Variants in CDC45 observed in about 807,000 individuals in gnomAD.
CDC45 encodes the protein cell division cycle 45.
In CDC45, 54 loss-of-function variants were observed where a neutral mutation model predicts 77.8. That is an observed-to-expected ratio of 0.69 (90% CI 0.56 to 0.87). The LOEUF (loss-of-function observed/expected upper bound fraction) is 0.87. CDC45 is among the 40% of genes least tolerant of loss of function. The pLI is 0.00. For missense variants in CDC45, 649 were observed against 721.6 expected (o/e 0.90, Z 1.15); for synonymous variants, 260 against 272.1 (o/e 0.96, Z 0.44).
At chr22:19,498,730 G>C (rs913389918) in intron 8 of CDC45, among the ~76,000 whole-genome samples, 1 of 152,208 alleles carries the variant, frequency 6.6e-6, no homozygotes, top group Admixed American at 6.5e-5. Flanking sequence ...CCTCTGCCAT[G>C]ATACTGTATC....
At chr22:19,495,460 A>G (rs962355307) in intron 6 of CDC45, among the ~76,000 whole-genome samples, 1 of 152,230 alleles carries the variant, frequency 6.6e-6, no homozygotes, top group Non-Finnish European at 1.5e-5. Context: ...ACCACTTTAC[A>G]TCATACATTG....
At chr22:19,506,692 T>A (rs1933199771) in intron 10 of CDC45, among the ~76,000 whole-genome samples, 5 of 152,074 alleles carry the variant, frequency 3.3e-5, no homozygotes, top group Admixed American at 3.3e-4. Flanking sequence ...CCCAGCACTC[T>A]GGGAGGCCAA....
At position 19,515,002 on chromosome 22, in the gene CDC45, C is replaced by T; in HGVS notation, c.1394C>T (p.Ser465Phe). The T allele has an allele frequency of 1.2e-6, 2 of 1,613,928 alleles. No homozygotes were observed. The highest frequency in any genetic ancestry group is 1.3e-5 in the African/African-American group (1 of 75,052). The change falls in exon 15 of 19, where the codon TCC (serine) becomes TTC (phenylalanine). Residue 465 changes from serine (S) to phenylalanine (F), a missense_variant. Coordinates refer to ENST00000263201, the MANE Select transcript of CDC45 (RefSeq NM_003504.5). ...GTCATGCTGTTCTCTAGGCCGGCAT[C>T]CCTAAGCCTGCTCAGCAAACACCTG... ...PDVMLFSRPA[S>F]LSLLSKHLLK...
intron 5 of CDC45, among the ~76,000 whole-genome samples, chr22:19,488,515 C>T (rs779745585): frequency 6.6e-6 from 1 of 152,164 alleles, no homozygotes; most frequent in Non-Finnish European, 1.5e-5. Flanking sequence ...TCCAGTCACC[C>T]GGGCAGCCAC....
chr22:19,486,324 A>G (rs2090066106), intron 5 of CDC45, among the ~76,000 whole-genome samples: 1 of 152,258 alleles, frequency 6.6e-6, no homozygotes, highest in South Asian at 2.1e-4. Flanking sequence ...GCCCATATTC[A>G]GGTCTCTTTA....
intron 8 of CDC45, among the ~76,000 whole-genome samples, chr22:19,498,214 A>G (rs1053171342): frequency 6.6e-6 from 1 of 152,174 alleles, no homozygotes. Flanking sequence ...CTGTAGTCCA[A>G]GCTACTCAGG....
At chr22:19,518,753 AGT>A in intron 17 of CDC45, 89 bp from the exon 18 acceptor site, 1 of 979,982 alleles carries the variant, frequency 1.0e-6, no homozygotes, top group South Asian at 1.3e-5. Context: ...TTTGGAATGC[AGT>A]GGAGGGCAGG....
At chr22:19,484,790 A>T (rs998422604) in intron 5 of CDC45, among the ~76,000 whole-genome samples, 1 of 152,152 alleles carries the variant, frequency 6.6e-6, no homozygotes, top group Non-Finnish European at 1.5e-5. Flanking sequence ...CTTCAAACTG[A>T]GGCATGCTTC....
At chr22:19,518,731 G>A in intron 17 of CDC45, 113 bp from the exon 18 acceptor site, 1 of 809,520 alleles carries the variant, frequency 1.2e-6, no homozygotes, top group Middle Eastern at 2.9e-4. Flanking sequence ...CAGGCCGGGA[G>A]GAGCCGCGCA....
chr22:19,505,339 G>C (rs772714214), intron 9 of CDC45, 23 bp from the exon 10 acceptor site: 2 of 1,614,074 alleles, frequency 1.2e-6, no homozygotes, highest in Non-Finnish European at 1.7e-6. Context: ...ACCAGCCGAG[G>C]CTTGTGCTAC....
chr22:19,508,808 C>T (rs1012241926), intron 13 of CDC45, 117 bp downstream of exon 13: 3 of 890,140 alleles, frequency 3.4e-6, no homozygotes, highest in Non-Finnish European at 5.2e-6. Context: ...GCAGAAACTG[C>T]TTGGGTGAAC....
chr22:19,499,251 G>T, intron 9 of CDC45, 100 bp downstream of exon 9: 1 of 1,229,992 alleles, frequency 8.1e-7, no homozygotes, highest in South Asian at 1.2e-5. Flanking sequence ...TCCCTGTAGG[G>T]TCCTATTGAG....
upstream of CDC45, chr22:19,479,769 GTT>G: frequency 1.5e-6 from 1 of 657,104 alleles, no homozygotes; most frequent in Non-Finnish European, 2.7e-6. Flanking sequence ...GCGGGCTGGA[GTT>G]TTCTGGCCGT....
rs371856374 is a variant in CDC45, at chr22:19,514,734, T to C, written c.1218-15T>C. The stretch of plus-strand genomic sequence containing the variant: ...TGACAAGCACCACCAAAGCCATGTG[T>C]CTGCCCTGTTACAGGAGTAACCTGG... On this transcript the variant is annotated splice_polypyrimidine_tract_variant and intron_variant, in intron 13 of 18. Transcript: ENST00000263201. The C allele has an allele frequency of 6.3e-7, 1 of 1,591,248 alleles. No homozygotes were observed.
At chr22:19,484,178 A>G (rs2090029487) in intron 5 of CDC45, among the ~76,000 whole-genome samples, 173 bp downstream of exon 5, 1 of 152,240 alleles carries the variant, frequency 6.6e-6, no homozygotes, top group South Asian at 2.1e-4. Flanking sequence ...GGCCTCAGGC[A>G]GGTTACTGGA....
chr22:19,481,200 T>A (rs924406639), intron 3 of CDC45, among the ~76,000 whole-genome samples, 155 bp downstream of exon 3: 22 of 152,196 alleles, frequency 1.4e-4, no homozygotes, highest in Non-Finnish European at 2.5e-4. Context: ...ACTGGTGACT[T>A]ACCACGCCCA....
At chr22:19,479,595 G>A (rs1276584122), upstream of CDC45, 1 of 600,700 alleles carries the variant, frequency 1.7e-6, no homozygotes, top group East Asian at 3.9e-5. Context: ...TTTAATGTAT[G>A]GTTAGAAGTA....
chr22:19,511,961 C>T (rs5993661), intron 13 of CDC45, among the ~76,000 whole-genome samples: 52,444 of 141,934 alleles, frequency 0.37, 11,405 homozygotes, highest in Middle Eastern at 0.49. Context: ...TACTCTGTCA[C>T]TTAAGCTGGC....
intron 10 of CDC45, 44 bp downstream of exon 10, chr22:19,505,525 C>T: frequency 6.2e-7 from 1 of 1,606,386 alleles, no homozygotes; most frequent in Non-Finnish European, 8.5e-7. Context: ...AGCACCCCTG[C>T]TCAGCAGGCC....
Sources: gnomAD v4.1 joint callset for allele counts (sites outside exome capture counted in the v4.1 genomes callset) on GRCh38, gnomAD v4.1.1 for gene constraint, MANE v1.5 for transcripts, NCBI Gene and HGNC (gene_info 2026-07-23, HGNC 2026-07-21) for gene names.